Variants in CTNNA3 observed in about 807,000 individuals in gnomAD.
CTNNA3 encodes catenin alpha-3.
A neutral mutation model predicts 95.7 loss-of-function variants in CTNNA3; 76 were observed. The ratio of observed to expected loss-of-function variants is 0.79; its 90% CI spans 0.66 to 0.96. The LOEUF is 0.96. Among genes scored for constraint, CTNNA3 ranks in the 40% least tolerant of loss-of-function variants. The pLI is 0.00. For synonymous variants in CTNNA3, 431 were observed against 374.4 expected, an observed-to-expected ratio of 1.15 and a Z score of -1.74; for missense variants, 1,191 against 1,089.8, an observed-to-expected ratio of 1.09 and a Z score of -1.31.
intron 7 of CTNNA3, among the ~76,000 whole-genome samples, chr10:66,964,509 C>A (rs1849296472): frequency 6.6e-6 from 1 of 152,124 alleles, no homozygotes; most frequent in South Asian, 2.1e-4. Flanking sequence ...GACCAGGATT[C>A]CTATTTCCTA....
At chr10:66,025,818 A>C (rs1348807813) in intron 15 of CTNNA3, among the ~76,000 whole-genome samples, 3 of 152,214 alleles carry the variant, frequency 2.0e-5, no homozygotes, top group African/African-American at 7.2e-5. Context: ...ATTTCATAAA[A>C]GACTCATAAT....
chr10:66,309,685 C>CAAAAAAAAA (rs60400266), intron 12 of CTNNA3, among the ~76,000 whole-genome samples: 2 of 41,778 alleles, frequency 4.8e-5, no homozygotes, highest in East Asian at 1.1e-3. Flanking sequence ...GACTCCGTCT[C>CAAAAAAAAA]AAAAAAAAAA....
intron 5 of CTNNA3, among the ~76,000 whole-genome samples, chr10:67,335,206 G>A (rs1841951303): frequency 6.6e-6 from 1 of 152,136 alleles, no homozygotes; most frequent in Non-Finnish European, 1.5e-5. Flanking sequence ...TATCTACAAT[G>A]TCCAAGTTGG....
intron 15 of CTNNA3, among the ~76,000 whole-genome samples, chr10:66,006,939 G>A (rs914343334): frequency 1.3e-5 from 2 of 152,022 alleles, no homozygotes; most frequent in Non-Finnish European, 2.9e-5. Context: ...TTAGTTCAAG[G>A]GTCTGCCTTG....
intron 5 of CTNNA3, among the ~76,000 whole-genome samples, chr10:67,225,829 A>G (rs966481689): frequency 1.6e-4 from 24 of 152,148 alleles, no homozygotes; most frequent in African/African-American, 5.6e-4. Flanking sequence ...TAGCACCCCC[A>G]AAAAGCACAC....
intron 2 of CTNNA3, among the ~76,000 whole-genome samples, chr10:67,620,950 T>TAC (rs1217909763): frequency 2.1e-5 from 3 of 144,296 alleles, no homozygotes; most frequent in African/African-American, 7.7e-5. Flanking sequence ...TATATATATA[T>TAC]ACAGAAATGT....
chr10:66,669,683 G>T (rs1281356997), intron 9 of CTNNA3, among the ~76,000 whole-genome samples: 1 of 152,180 alleles, frequency 6.6e-6, no homozygotes, highest in Admixed American at 6.5e-5. Context: ...ACTGGGTGGA[G>T]GATGGGACAG....
chr10:66,734,257 A>C (rs1018781296), intron 9 of CTNNA3, among the ~76,000 whole-genome samples: 9 of 152,000 alleles, frequency 5.9e-5, no homozygotes, highest in Non-Finnish European at 2.9e-5. Flanking sequence ...CTCTCTCTCT[A>C]AACATATAAT....
At chr10:65,923,120 GACACAAAGCCTA>G (rs2077116074) in intron 17 of CTNNA3, among the ~76,000 whole-genome samples, 1 of 152,104 alleles carries the variant, frequency 6.6e-6, no homozygotes, top group Non-Finnish European at 1.5e-5. Context: ...TTTGGGTGGG[GACACAAAGCCTA>G]ACCATATCAA....
intron 4 of CTNNA3, among the ~76,000 whole-genome samples, chr10:67,530,143 T>C (rs1840281781): frequency 6.6e-6 from 1 of 152,208 alleles, no homozygotes; most frequent in Admixed American, 6.5e-5. Flanking sequence ...GGTATGTCTT[T>C]ATTAGCAGCA....
intron 12 of CTNNA3, among the ~76,000 whole-genome samples, chr10:66,371,633 T>C (rs959074965): frequency 2.0e-5 from 3 of 152,162 alleles, no homozygotes; most frequent in Non-Finnish European, 4.4e-5. Flanking sequence ...CTCTGGGTCC[T>C]TTTGCTTCCT....
At chr10:66,350,436 C>T (rs1381534547) in intron 12 of CTNNA3, among the ~76,000 whole-genome samples, 1 of 151,792 alleles carries the variant, frequency 6.6e-6, no homozygotes, top group African/African-American at 2.4e-5. Flanking sequence ...GTTCTTTTCC[C>T]AATCAAAAAT....
intron 10 of CTNNA3, among the ~76,000 whole-genome samples, chr10:66,535,447 T>C (rs550348155): frequency 1.3e-5 from 2 of 152,150 alleles, no homozygotes; most frequent in Non-Finnish European, 2.9e-5. Context: ...AGTTGGACTA[T>C]GTAAATTAGA....
rs188880529 is a variant in CTNNA3 at position 67,501,898 on chromosome 10, T to C, written c.579+19944A>G. ...TTTCAAGGTTCTTAGCTTCCTTGCA[T>C]TGGGTTAGAGCATGCTCCTTGCCTC... On this transcript the variant is annotated intron_variant, in intron 5 of 17. Coordinates refer to ENST00000433211, the MANE Select transcript of CTNNA3 (RefSeq NM_013266.4). 5.1e-4 allele frequency among the ~76,000 whole-genome samples: 77 copies of C among 152,252 alleles called. 1 individual carries two copies. The highest frequency in any genetic ancestry group is 1.6e-3 in the Admixed American group (25 of 15,298).
At chr10:67,499,859 T>C (rs986431174) in intron 5 of CTNNA3, among the ~76,000 whole-genome samples, 1 of 152,208 alleles carries the variant, frequency 6.6e-6, no homozygotes, top group African/African-American at 2.4e-5. Flanking sequence ...TCTATCTATT[T>C]TGTTAATCTT....
intron 10 of CTNNA3, among the ~76,000 whole-genome samples, chr10:66,619,619 G>T (rs1014368489): frequency 2.1e-5 from 3 of 145,536 alleles, no homozygotes; most frequent in Admixed American, 7.0e-5. Context: ...GCTAAATGAC[G>T]AGTTAATGGG....
intron 1 of CTNNA3, among the ~76,000 whole-genome samples, chr10:67,679,670 TA>T (rs1309923530): frequency 6.6e-6 from 1 of 152,162 alleles, no homozygotes; most frequent in Non-Finnish European, 1.5e-5. Flanking sequence ...TTCCTTTTTT[TA>T]AAAAAATCAT....
intron 2 of CTNNA3, among the ~76,000 whole-genome samples, chr10:67,618,082 C>G (rs1589495636): frequency 6.6e-6 from 1 of 152,068 alleles, no homozygotes; most frequent in East Asian, 1.9e-4. Context: ...AATCAAACAA[C>G]TAGTAATTCC....
chr10:66,258,036 C>G (rs1249937052), intron 13 of CTNNA3, among the ~76,000 whole-genome samples: 1 of 152,144 alleles, frequency 6.6e-6, no homozygotes, highest in African/African-American at 2.4e-5. Flanking sequence ...TGGCAAAACA[C>G]TTAACTTGAA....
Sources: gnomAD v4.1 joint callset for allele counts (sites outside exome capture counted in the v4.1 genomes callset) on GRCh38, gnomAD v4.1.1 for gene constraint, MANE v1.5 for transcripts, NCBI Gene and HGNC (gene_info 2026-07-23, HGNC 2026-07-21) for gene names.